Variants in FARS2 observed in about 807,000 individuals in gnomAD.
FARS2 encodes the protein phenylalanine--tRNA ligase, mitochondrial.
Under a neutral mutation model 46.4 loss-of-function variants are expected in FARS2, and 40 were observed. The ratio of observed to expected loss-of-function variants is 0.86; its 90% CI spans 0.67 to 1.12. The LOEUF (loss-of-function observed/expected upper bound fraction) is 1.12, where lower values mean the gene tolerates loss of function less well. Among genes scored for constraint, FARS2 ranks in the 50% most tolerant of loss-of-function variants. FARS2 has a pLI of 0.00. For missense variants in FARS2, 513 were observed against 567.9 expected (o/e 0.90, Z 0.98); for synonymous variants, 234 against 214.9 (o/e 1.09, Z -0.78).
At chr6:5,456,300 CAGAGT>C (rs1292940565) in intron 4 of FARS2, among the ~76,000 whole-genome samples, 2 of 152,294 alleles carry the variant, frequency 1.3e-5, no homozygotes, top group Non-Finnish European at 2.9e-5. Flanking sequence ...TGAGATACAG[CAGAGT>C]ACAAACAAAG....
chr6:5,326,641 C>T (rs527556222), intron 1 of FARS2, among the ~76,000 whole-genome samples: 1 of 152,204 alleles, frequency 6.6e-6, no homozygotes, highest in Non-Finnish European at 1.5e-5. Flanking sequence ...GCAGCCTTCT[C>T]CTTCCACCCC....
At chr6:5,282,545 G>A (rs1766811424) in intron 1 of FARS2, among the ~76,000 whole-genome samples, 1 of 152,088 alleles carries the variant, frequency 6.6e-6, no homozygotes, top group Admixed American at 6.5e-5. Flanking sequence ...GAGGGTTAGT[G>A]GTAGGGAAAA....
At chr6:5,508,895 C>T (rs1194949951) in intron 4 of FARS2, among the ~76,000 whole-genome samples, 1 of 152,104 alleles carries the variant, frequency 6.6e-6, no homozygotes, top group Non-Finnish European at 1.5e-5. Flanking sequence ...GAGGAAGAAA[C>T]GACAGTATTT....
chr6:5,689,347 T>A (rs1394771117), intron 6 of FARS2, among the ~76,000 whole-genome samples: 1 of 152,146 alleles, frequency 6.6e-6, no homozygotes, highest in Non-Finnish European at 1.5e-5. Flanking sequence ...GTGCTATAAA[T>A]TTCCCTCTAC....
chr6:5,258,108 C>T (rs537822889), upstream of FARS2, among the ~76,000 whole-genome samples: 2 of 152,180 alleles, frequency 1.3e-5, no homozygotes, highest in Admixed American at 6.5e-5. Context: ...CCCAACAGGA[C>T]GTGGCACATT....
At chr6:5,489,433 G>A (rs1203019255) in intron 4 of FARS2, among the ~76,000 whole-genome samples, 1 of 152,132 alleles carries the variant, frequency 6.6e-6, no homozygotes, top group Admixed American at 6.5e-5. Flanking sequence ...CAGCCTGGGT[G>A]ACAGAATGAA....
At chr6:5,623,155 A>G (rs1289163084) in intron 6 of FARS2, among the ~76,000 whole-genome samples, 1 of 152,214 alleles carries the variant, frequency 6.6e-6, no homozygotes, top group Non-Finnish European at 1.5e-5. Context: ...GACACTATCT[A>G]TGTGAAATGC....
intron 4 of FARS2, chr6:5,458,020 C>G (rs1250217511): frequency 6.6e-6 from 1 of 152,296 alleles, no homozygotes; most frequent in Non-Finnish European, 1.5e-5. Context: ...TTGGATCGCT[C>G]TTGTGTGGCT....
At chr6:5,512,315 C>A (rs1314306684) in intron 4 of FARS2, among the ~76,000 whole-genome samples, 4 of 152,108 alleles carry the variant, frequency 2.6e-5, no homozygotes, top group Non-Finnish European at 4.4e-5. Context: ...AATGCTCTTT[C>A]CATTACCTGG....
intron 6 of FARS2, among the ~76,000 whole-genome samples, chr6:5,704,582 TC>T (rs1758630035): frequency 1.3e-5 from 2 of 152,248 alleles, no homozygotes; most frequent in African/African-American, 4.8e-5. Flanking sequence ...ATGCTAGATT[TC>T]CCTTTGCAAC....
chr6:5,468,423 A>G (rs1260179103), intron 4 of FARS2, among the ~76,000 whole-genome samples: 1 of 152,088 alleles, frequency 6.6e-6, no homozygotes, highest in Non-Finnish European at 1.5e-5. Flanking sequence ...TGTGACGGTG[A>G]TGTTGTATCT....
chr6:5,528,210 A>T (rs113315232), intron 4 of FARS2, among the ~76,000 whole-genome samples: 1 of 152,088 alleles, frequency 6.6e-6, no homozygotes, highest in South Asian at 2.1e-4. Flanking sequence ...TTTAAAAAAA[A>T]AAGAGATGGA....
intron 1 of FARS2, among the ~76,000 whole-genome samples, chr6:5,360,429 A>G (rs1187467241): frequency 1.3e-5 from 2 of 152,196 alleles, no homozygotes; most frequent in Non-Finnish European, 2.9e-5. Flanking sequence ...ACATGTCTAC[A>G]GGTAATTACT....
At chr6:5,320,165 T>C (rs908221676) in intron 1 of FARS2, among the ~76,000 whole-genome samples, 2 of 152,208 alleles carry the variant, frequency 1.3e-5, no homozygotes, top group African/African-American at 4.8e-5. Flanking sequence ...TGGGCAACTT[T>C]TCACTTGAGC....
intron 1 of FARS2, among the ~76,000 whole-genome samples, chr6:5,276,380 CATA>C (rs1766336138): frequency 1.3e-5 from 2 of 152,118 alleles, no homozygotes; most frequent in Middle Eastern, 3.2e-3. Flanking sequence ...TAGATAATCA[CATA>C]ATTTATTTCC....
At chr6:5,613,106 A>G in intron 5 of FARS2, 63 bp from the exon 6 acceptor site, 1 of 1,459,188 alleles carries the variant, frequency 6.9e-7, no homozygotes, top group South Asian at 1.2e-5. Flanking sequence ...CTTTTTATGA[A>G]AAATTTAAAT....
intron 4 of FARS2, among the ~76,000 whole-genome samples, chr6:5,448,806 G>A (rs1437280892): frequency 6.6e-6 from 1 of 152,196 alleles, no homozygotes; most frequent in African/African-American, 2.4e-5. Flanking sequence ...AGTCATATCT[G>A]ATATGTGGAT....
intron 4 of FARS2, among the ~76,000 whole-genome samples, chr6:5,434,097 T>TA (rs5873981): frequency 0.16 from 24,307 of 152,114 alleles, 2,581 homozygotes; most frequent in East Asian, 0.46. Flanking sequence ...ACTGTACACA[T>TA]AAAAATGAAT....
intron 5 of FARS2, among the ~76,000 whole-genome samples, chr6:5,556,392 C>G (rs922941888): frequency 9.9e-5 from 15 of 151,886 alleles, no homozygotes; most frequent in African/African-American, 3.4e-4. Context: ...GTTCTGAGAG[C>G]GGCAGCCACA....
Sources: gnomAD v4.1 joint callset for allele counts (sites outside exome capture counted in the v4.1 genomes callset) on GRCh38, gnomAD v4.1.1 for gene constraint, MANE v1.5 for transcripts, NCBI Gene and HGNC (gene_info 2026-07-23, HGNC 2026-07-21) for gene names.